EXOC3L4: variants seen among roughly 807,000 people sequenced by gnomAD.
EXOC3L4 encodes the protein exocyst complex component 3 like 4, also known as exocyst complex component 3-like protein 4.
Under a neutral mutation model 69.7 loss-of-function variants are expected in EXOC3L4, and 62 were observed. That is an observed-to-expected ratio of 0.89 (90% CI 0.72 to 1.10). The LOEUF (loss-of-function observed/expected upper bound fraction) is 1.10. EXOC3L4 is among the 50% of genes least tolerant of loss of function. The pLI is 0.00. For synonymous variants in EXOC3L4, 502 were observed against 464.2 expected (o/e 1.08, Z -1.05); for missense variants, 1,087 against 1,034.8 (o/e 1.05, Z -0.69).
In EXOC3L4 at chr14:103,104,303, C is replaced by G. The variant is rs1027790595; in HGVS notation, c.1198C>G (p.Leu400Val). The G allele has an allele frequency of 1.3e-6, 2 of 1,596,618 alleles. No individual in the cohort carries two copies. Residue 400 changes from leucine to valine, a missense_variant, in exon 5 of 12, where the codon CTG becomes GTG. Coordinates refer to ENST00000688303, the MANE Select transcript of EXOC3L4 (RefSeq NM_001077594.2). ...IASCFDSILQ[L>V]EQSHWAAAEV... ...AAGCTGCTTCGACAGCATCTTGCAG[C>G]TGGAGCAGAGTCACTGGGCGGCCGC... is the stretch of plus-strand genomic sequence containing the variant.
At chr14:103,095,343 C>G (rs554145757) in intron 1 of EXOC3L4, among the ~76,000 whole-genome samples, 2 of 152,374 alleles carry the variant, frequency 1.3e-5, no homozygotes, top group Admixed American at 6.5e-5. Flanking sequence ...GGCTCTGTAA[C>G]TGTCCCTCCG....
At position 103,100,295 on chromosome 14, in the gene EXOC3L4, G is replaced by T; in HGVS notation, c.76G>T (p.Ala26Ser). ...PKEAEEPQTPAQGSRRTSSRK... is the reference protein window; with the variant it reads ...PKEAEEPQTPSQGSRRTSSRK... ...GGAGGCTGAGGAGCCACAGACTCCA[G>T]CTCAGGGCTCCCGGCGAACAAGCAG... is the stretch of plus-strand genomic sequence containing the variant. Residue 26 changes from alanine to serine, a missense_variant, in exon 2 of 12, where the codon GCT (alanine) becomes TCT (serine). By Grantham distance (99) the Ala-to-Ser change is moderately conservative. Coordinates refer to ENST00000688303, the MANE Select transcript of EXOC3L4 (RefSeq NM_001077594.2). 1 of 1,581,314 alleles carries T rather than the reference G, an allele frequency of 6.3e-7. No homozygotes were observed.
intron 11 of EXOC3L4, 59 bp from the exon 12 acceptor site, chr14:103,109,972 T>C (rs927021778): frequency 1.3e-6 from 2 of 1,499,094 alleles, no homozygotes; most frequent in Admixed American, 2.3e-5. Flanking sequence ...CGCCTCATGC[T>C]GGGGCTGGGG....
In EXOC3L4 at chr14:103,104,842, C is replaced by A; in HGVS notation, c.1385+4C>A. 6.6e-7 allele frequency: 1 copy of A among 1,505,748 alleles called. No individual in the cohort carries two copies. Among genetic ancestry groups the A allele is most frequent in the African/African-American group, 1.4e-5 (1 of 71,764 alleles). The allele number at this position is 1,505,748 out of a possible 1,614,324, so 93.3% of individuals were successfully genotyped here. On this transcript the variant is annotated splice_donor_region_variant and intron_variant, in intron 6 of 11. Coordinates refer to ENST00000688303, the MANE Select transcript of EXOC3L4 (RefSeq NM_001077594.2). ...CGCTCGGCCTCTTCGTGCCCAGGTG[C>A]GGACGCATCCTCAGTAGGGGAGCGA...
rs1299541392 is a variant in EXOC3L4 at position 103,097,913 on chromosome 14, G to A, written c.-16-2291G>A. On this transcript the variant is annotated intron_variant, in intron 1 of 11. Transcript: ENST00000688303. The surrounding 1 kb of genome is among the most constrained non-coding windows in gnomAD (Gnocchi z 4.9). ...GTGTCATCAGCGGGAGGTGGGGGGT[G>A]GAGGAAGGAGGTTCCAGGATGGATG... Among the ~76,000 whole-genome samples the A allele has an allele frequency of 6.6e-6, 1 of 152,124 alleles. No homozygotes were observed. Among genetic ancestry groups the A allele is most frequent in the African/African-American group, 2.4e-5 (1 of 41,416 alleles).
In EXOC3L4 at chr14:103,097,572, G is replaced by A. The variant is rs942114977; in HGVS notation, c.-16-2632G>A. Among the ~76,000 whole-genome samples, 21 of 152,158 alleles carry A rather than the reference G, an allele frequency of 1.4e-4. No individual in the cohort carries two copies. Among genetic ancestry groups the A allele is most frequent in the African/African-American group, 4.3e-4 (18 of 41,434 alleles). ...GGGGTGGCAGGGCGACCCTGATACC[G>A]ATGTTCCGCCTGCTTCCAGGCTGTG... On this transcript the variant is annotated intron_variant, in intron 1 of 11. Coordinates refer to ENST00000688303, the MANE Select transcript of EXOC3L4 (RefSeq NM_001077594.2). This position sits in a 1 kb window ranked among gnomAD's most constrained non-coding sequence, Gnocchi z 4.9.
chr14:103,100,028 C>G, intron 1 of EXOC3L4, 176 bp from the exon 2 acceptor site: 1 of 648,172 alleles, frequency 1.5e-6, no homozygotes, highest in Non-Finnish European at 2.5e-6. Flanking sequence ...CAGCTGCGGC[C>G]TGGCACACTG....
intron 10 of EXOC3L4, among the ~76,000 whole-genome samples, chr14:103,108,120 C>A (rs1890676579): frequency 6.6e-6 from 1 of 152,158 alleles, no homozygotes. Flanking sequence ...CCTCGTCTGC[C>A]CCCTAGCAGT....
In EXOC3L4 at chr14:103,102,389, GGAA is replaced by G; in HGVS notation, c.668_670del (p.Glu223del). On this transcript the variant is annotated inframe_deletion, in exon 3 of 12. Transcript: ENST00000688303. The stretch of plus-strand genomic sequence containing the variant: ...TGGCCCGCGTGGTGAGCGCGGAGGA[GGAA>G]GCCCACCCTTCTCCCCCCGACGACG... 6.4e-7 allele frequency: 1 copy of G among 1,556,348 alleles called. No homozygotes were observed.
rs370692164 is a variant in EXOC3L4 at position 103,103,907 on chromosome 14, G to A, written c.1050-34G>A. On this transcript the variant is annotated intron_variant, in intron 3 of 11. Transcript: ENST00000688303. Reference sequence around the variant, plus strand: ...GGGCAGCGGCTGCCGCATCAGAGCCGCTCCCGCCCCCAGCCCCCTGCCCTG... The same window carrying A: ...GGGCAGCGGCTGCCGCATCAGAGCCACTCCCGCCCCCAGCCCCCTGCCCTG... The A allele has an allele frequency of 9.5e-4, 1,404 of 1,476,478 alleles. 13 individuals carry two copies. In the African/African-American group the frequency reaches 0.018, roughly 18 times the overall value. 91.5% of individuals were successfully genotyped at this position (1,476,478 alleles called of 1,614,324 possible).
At chr14:103,106,413 AT>A (rs1305911140) in intron 7 of EXOC3L4, among the ~76,000 whole-genome samples, 1 of 152,206 alleles carries the variant, frequency 6.6e-6, no homozygotes, top group Non-Finnish European at 1.5e-5. Context: ...GGGACTGCGT[AT>A]AGCCTGGCCC....
chr14:103,109,771 A>G (rs1209118283), intron 11 of EXOC3L4, among the ~76,000 whole-genome samples: 1 of 135,724 alleles, frequency 7.4e-6, no homozygotes, highest in Non-Finnish European at 1.6e-5. Flanking sequence ...GTCTCCCTCC[A>G]CGCCTTTGCG....
At chr14:103,102,891 C>A in intron 3 of EXOC3L4, 119 bp downstream of exon 3, 1 of 1,068,142 alleles carries the variant, frequency 9.4e-7, no homozygotes, top group Non-Finnish European at 1.2e-6. Context: ...TGGGAGAGGG[C>A]TGAGAGCCGA....
chr14:103,102,229 A>G lies in EXOC3L4; in HGVS notation c.506A>G (p.Glu169Gly). ...GCCGAGAAGGCCTCGCGCACCTTTG[A>G]GCAGGACCCTACGGCCTTCGCGCGG... is the stretch of plus-strand genomic sequence containing the variant. Reference protein sequence around the residue: ...LVAEKASRTFEQDPTAFARRA... With the variant: ...LVAEKASRTFGQDPTAFARRA... Residue 169 changes from glutamate to glycine, a missense_variant, in exon 3 of 12, where the codon GAG becomes GGG. By Grantham distance (98) the Glu-to-Gly change is moderately conservative. Coordinates refer to ENST00000688303, the MANE Select transcript of EXOC3L4 (RefSeq NM_001077594.2). 1.9e-6 allele frequency: 3 copies of G among 1,591,612 alleles called. No individual in the cohort carries two copies. The highest frequency in any genetic ancestry group is 2.6e-6 in the Non-Finnish European group (3 of 1,169,882).
chr14:103,109,208 G>T, intron 11 of EXOC3L4, among the ~76,000 whole-genome samples: 1 of 53,578 alleles, frequency 1.9e-5, no homozygotes, highest in African/African-American at 8.9e-5. Context: ...CTGTCCCCAT[G>T]TCTCCCTCCC....
chr14:103,104,127 C>G (rs1890391460), intron 4 of EXOC3L4, 75 bp downstream of exon 4: 17 of 1,446,200 alleles, frequency 1.2e-5, no homozygotes, highest in Middle Eastern at 2.5e-4. Flanking sequence ...GGCGCCCAGG[C>G]TATCGGCGGC....
Position 103,100,154 on chromosome 14 carries a change from C to A in EXOC3L4, c.-16-50C>A, listed in dbSNP as rs952863384. ...TGGGTGTGGCCAGGCCCCACAGGGC[C>A]ACAACAGGTTTCTGCATCTGCTCCT... On this transcript the variant is annotated intron_variant, in intron 1 of 11. Transcript: ENST00000688303. The A allele has an allele frequency of 6.8e-6, 10 of 1,468,846 alleles. No homozygotes were observed. In the South Asian group the frequency reaches 1.4e-4, roughly 21 times the overall value. The allele number at this position is 1,468,846 out of a possible 1,614,324, so 91.0% of individuals were successfully genotyped here. A position where few individuals can be genotyped will look rare whatever the true frequency, so the allele number is the denominator to read the frequency against.
rs762042524 is a variant in EXOC3L4, at chr14:103,102,621, G to T, written c.898G>T (p.Ala300Ser). The T allele has an allele frequency of 8.0e-6, 12 of 1,498,294 alleles. No individual in the cohort carries two copies. In the African/African-American group the frequency reaches 1.6e-4, roughly 20 times the overall value. 92.8% of individuals were successfully genotyped at this position (1,498,294 alleles called of 1,614,324 possible). The part of the protein sequence containing the change: ...LQKVRQEVQP[A>S]YAAAGFPAWE... Reference sequence around the variant, plus strand: ...GAAGGTGCGGCAGGAGGTGCAGCCCGCGTATGCGGCGGCCGGCTTCCCAGC... The same window carrying T: ...GAAGGTGCGGCAGGAGGTGCAGCCCTCGTATGCGGCGGCCGGCTTCCCAGC... The change falls in exon 3 of 12, where the codon GCG becomes TCG. Residue 300 changes from alanine (A) to serine (S), a missense_variant. Coordinates refer to ENST00000688303, the MANE Select transcript of EXOC3L4 (RefSeq NM_001077594.2).
At position 103,097,126 on chromosome 14, in the gene EXOC3L4, CT is replaced by C. The variant is rs1434262070; in HGVS notation, c.-17+2287del. On this transcript the variant is annotated intron_variant, in intron 1 of 11. Transcript: ENST00000688303. The surrounding 1 kb of genome is among the most constrained non-coding windows in gnomAD (Gnocchi z 4.9). ...GGAAAGCGGGGAGTAGAAGCTGAGG[CT>C]GGGGGTAGGGAGGGTGGGGAAGTTC... Among the ~76,000 whole-genome samples the C allele has an allele frequency of 7.7e-5, 5 of 64,830 alleles. No homozygotes were observed. Among genetic ancestry groups the C allele is most frequent in the Non-Finnish European group, 1.2e-4 (4 of 34,454 alleles). 42.5% of individuals were successfully genotyped at this position (64,830 alleles called of 152,430 possible).
Sources: gnomAD v4.1 joint callset for allele counts (sites outside exome capture counted in the v4.1 genomes callset) on GRCh38, gnomAD v4.1.1 for gene constraint, Gnocchi (gnomAD v3.1) non-coding constraint, MANE v1.5 for transcripts, NCBI Gene and HGNC (gene_info 2026-07-23, HGNC 2026-07-21) for gene names.